The following ZC3H4 variants were observed in gnomAD, a reference collection of about 807,000 sequenced individuals.
ZC3H4 encodes the protein zinc finger CCCH-type containing 4, also known as zinc finger CCCH domain-containing protein 4.
ZC3H4 carries 13 observed loss-of-function variants against 108.3 expected under a neutral mutation model. That is an observed-to-expected ratio of 0.12 (90% CI 0.08 to 0.19). The LOEUF is 0.19. Among genes scored for constraint, ZC3H4 ranks in the 10% least tolerant of loss-of-function variants. The pLI, the probability that ZC3H4 is intolerant of heterozygous loss-of-function variation, is 1.00. For missense variants in ZC3H4, 1,734 were observed against 1,838.8 expected (o/e 0.94, Z 1.04); for synonymous variants, 917 against 749.6 (o/e 1.22, Z -3.65).
intron 11 of ZC3H4, among the ~76,000 whole-genome samples, chr19:47,081,256 T>A (rs2057517132): frequency 6.6e-6 from 1 of 152,202 alleles, no homozygotes. Context: ...TGGAGGCCCA[T>A]CAGGCAGCAT....
At position 47,084,950 on chromosome 19, in the gene ZC3H4, T is replaced by C. The variant is rs544876316; in HGVS notation, c.1107+106A>G. The C allele has an allele frequency of 1.1e-4, 167 of 1,473,522 alleles. 1 individual carries two copies. In the African/African-American group the frequency reaches 1.7e-3, roughly 15 times the overall value. The allele number at this position is 1,473,522 out of a possible 1,614,324, so 91.3% of individuals were successfully genotyped here. A position where few individuals can be genotyped will look rare whatever the true frequency, so the allele number is the denominator to read the frequency against. ...CAACACTGGCCAGCCCTTTGGGGGG[T>C]GGCTGATGGCAGCAAGGATCAGCTT... On this transcript the variant is annotated intron_variant, in intron 8 of 14. Coordinates refer to ENST00000253048, the MANE Select transcript of ZC3H4 (RefSeq NM_015168.2).
At position 47,112,511 on chromosome 19, in the gene ZC3H4, G is replaced by A; in HGVS notation, c.74C>T (p.Ser25Leu). Reference sequence around the variant, plus strand: ...GGAACACGGAGGAGGCGAAGGCGTTGATGGCGGCGGCGGCGATGGCGGCGG... The same window carrying A: ...GGAACACGGAGGAGGCGAAGGCGTTAATGGCGGCGGCGGCGATGGCGGCGG... ...SPPPPSPPPP[S>L]TPSPPPCSPD... The change falls in exon 2 of 15, where the codon TCA becomes TTA. Residue 25 changes from serine (S) to leucine (L), a missense_variant. This residue lies in a region of ZC3H4 where 112 missense variants were observed against 73.3 expected (regional missense o/e 1.53). Transcript: ENST00000253048. 1.8e-6 allele frequency: 2 copies of A among 1,102,592 alleles called. No homozygotes were observed. Among genetic ancestry groups the A allele is most frequent in the Non-Finnish European group, 2.3e-6 (2 of 861,614 alleles). 68.3% of individuals were successfully genotyped at this position (1,102,592 alleles called of 1,614,324 possible). A position where few individuals can be genotyped will look rare whatever the true frequency, so the allele number is the denominator to read the frequency against.
intron 4 of ZC3H4, among the ~76,000 whole-genome samples, chr19:47,091,079 T>C (rs1248717223): frequency 6.6e-6 from 1 of 150,680 alleles, no homozygotes; most frequent in East Asian, 2.0e-4. Flanking sequence ...CGAAATGCGA[T>C]CTCTACTAAA....
At chr19:47,081,673 C>A in intron 10 of ZC3H4, 51 bp from the exon 11 acceptor site, 1 of 1,485,494 alleles carries the variant, frequency 6.7e-7, no homozygotes, top group Non-Finnish European at 9.4e-7. Flanking sequence ...GCCCCCCTCC[C>A]CCACCACAGA....
chr19:47,067,568 C>A lies in ZC3H4; in HGVS notation c.2700G>T (p.Lys900Asn). ...GGCTGGAATGAAGGCTGCCTTCGGG[C>A]TTGGAGGTGGGCAGGGCGCGAGCCA... ...PRLARALPTS[K>N]PEGSLHSSPV... Residue 900 changes from lysine (K) to asparagine (N), a missense_variant, in exon 15 of 15, where the codon AAG becomes AAT. Physicochemically the swap from Lys to Asn is moderately conservative, Grantham distance 94. Coordinates refer to ENST00000253048, the MANE Select transcript of ZC3H4 (RefSeq NM_015168.2). This position sits in a 1 kb window ranked among gnomAD's most constrained non-coding sequence, Gnocchi z 6.4. The A allele has an allele frequency of 6.2e-7, 1 of 1,603,656 alleles. No individual in the cohort carries two copies. Among genetic ancestry groups the A allele is most frequent in the Non-Finnish European group, 8.5e-7 (1 of 1,175,216 alleles).
At chr19:47,087,022 T>C (rs2057640978) in intron 5 of ZC3H4, among the ~76,000 whole-genome samples, 1 of 151,604 alleles carries the variant, frequency 6.6e-6, no homozygotes, top group South Asian at 2.1e-4. Flanking sequence ...ATGCCTGTAA[T>C]CCCAGCACTC....
At position 47,084,264 on chromosome 19, in the gene ZC3H4, C is replaced by T. The variant is rs538242437; in HGVS notation, c.1218+81G>A. ...CAGTCACTCCCACCCACCCTCACCA[C>T]GGCTCCAGAACCTTCTGGAAGCCAT... On this transcript the variant is annotated intron_variant, in intron 9 of 14. Coordinates refer to ENST00000253048, the MANE Select transcript of ZC3H4 (RefSeq NM_015168.2). The T allele has an allele frequency of 2.1e-4, 284 of 1,364,252 alleles. 3 individuals are homozygous for T. The South Asian group carries it at 2.6e-3, about 12-fold the overall frequency. 84.5% of individuals were successfully genotyped at this position (1,364,252 alleles called of 1,614,324 possible).
chr19:47,096,898 C>T, intron 2 of ZC3H4: 1 of 985,418 alleles, frequency 1.0e-6, no homozygotes, highest in Non-Finnish European at 1.2e-6. Flanking sequence ...GCAGCCTCAG[C>T]ACGCCCTCCC....
chr19:47,071,371 G>A (rs2057322634), intron 13 of ZC3H4, among the ~76,000 whole-genome samples: 1 of 152,118 alleles, frequency 6.6e-6, no homozygotes, highest in African/African-American at 2.4e-5. Flanking sequence ...CCGGTAATGG[G>A]CACAGAACCC....
intron 11 of ZC3H4, among the ~76,000 whole-genome samples, chr19:47,077,682 C>A (rs1404657573): frequency 6.6e-6 from 1 of 151,872 alleles, no homozygotes. Context: ...GTGGAGAAAC[C>A]CCGTCCCTAC....
chr19:47,086,305 A>G, intron 6 of ZC3H4, 79 bp downstream of exon 6: 2 of 1,564,506 alleles, frequency 1.3e-6, no homozygotes, highest in South Asian at 2.3e-5. Context: ...TTGGCCTCAC[A>G]GCCTCTACCA....
chr19:47,083,165 G>A (rs79375116), intron 9 of ZC3H4, among the ~76,000 whole-genome samples: 4 of 151,302 alleles, frequency 2.6e-5, no homozygotes, highest in South Asian at 2.1e-4. Context: ...CTGCCTCAGC[G>A]TCCCAAGTAG....
intron 2 of ZC3H4, 33 bp from the exon 3 acceptor site, chr19:47,094,641 A>G (rs1281280358): frequency 6.2e-7 from 1 of 1,607,804 alleles, no homozygotes; most frequent in Non-Finnish European, 8.5e-7. Flanking sequence ...CCATGAACAC[A>G]GGGTTTGAGA....
At chr19:47,093,137 C>T (rs1267206138) in intron 4 of ZC3H4, among the ~76,000 whole-genome samples, 1 of 149,792 alleles carries the variant, frequency 6.7e-6, no homozygotes, top group Non-Finnish European at 1.5e-5. Context: ...AATGGTGCGA[C>T]CCCAGGAGAC....
chr19:47,099,570 C>T (rs2057874403), intron 2 of ZC3H4, among the ~76,000 whole-genome samples: 1 of 152,076 alleles, frequency 6.6e-6, no homozygotes, highest in Non-Finnish European at 1.5e-5. Flanking sequence ...ATACACTGTT[C>T]TCCCAAGCCA....
At position 47,094,095 on chromosome 19, in the gene ZC3H4, G is replaced by C. The variant is rs367622170; in HGVS notation, c.382-15C>G. The C allele has an allele frequency of 5.6e-6, 9 of 1,611,922 alleles. No homozygotes were observed. The highest frequency in any genetic ancestry group is 1.3e-5 in the African/African-American group (1 of 74,886). On this transcript the variant is annotated splice_polypyrimidine_tract_variant and intron_variant, in intron 3 of 14. Transcript: ENST00000253048. Reference sequence around the variant, plus strand: ...GAAGCATGGCGCTGTAATGACAGGGGAAGGAGACTCAGCAACCTGCCACAG... The same window carrying C: ...GAAGCATGGCGCTGTAATGACAGGGCAAGGAGACTCAGCAACCTGCCACAG...
chr19:47,090,209 A>G lies in ZC3H4; in HGVS notation c.493-20T>C. The stretch of plus-strand genomic sequence containing the variant: ...GTGGGACTGCGTCCCAGAGATGGGG[A>G]AAAGAGGTGAGCCGGATCCCACAGC... On this transcript the variant is annotated intron_variant, in intron 4 of 14. Transcript: ENST00000253048. 6.2e-7 allele frequency: 1 copy of G among 1,613,456 alleles called. No individual in the cohort carries two copies. The highest frequency in any genetic ancestry group is 8.5e-7 in the Non-Finnish European group (1 of 1,179,656).
chr19:47,091,983 C>A (rs2057740513), intron 4 of ZC3H4, among the ~76,000 whole-genome samples: 1 of 151,970 alleles, frequency 6.6e-6, no homozygotes, highest in Admixed American at 6.6e-5. Flanking sequence ...CCGAGGTGGG[C>A]AGATCATTTG....
At chr19:47,112,019 G>A (rs1421475838) in intron 2 of ZC3H4, 3 of 636,342 alleles carry the variant, frequency 4.7e-6, no homozygotes, top group East Asian at 1.3e-4. Flanking sequence ...ACGGGCAAGC[G>A]GGCCCGTAGC....
Sources: gnomAD v4.1 joint callset for allele counts (sites outside exome capture counted in the v4.1 genomes callset) on GRCh38, gnomAD v4.1.1 for gene constraint, gnomAD v4.1.1 regional missense constraint, Gnocchi (gnomAD v3.1) non-coding constraint, MANE v1.5 for transcripts, NCBI Gene and HGNC (gene_info 2026-07-23, HGNC 2026-07-21) for gene names.